The following PHF24 variants were observed in gnomAD, a reference collection of about 807,000 sequenced individuals.
PHF24 encodes PHD finger protein 24, also known as Galpha inhibitory interacting protein.
In PHF24, 25 loss-of-function variants were observed where a neutral mutation model predicts 42.6. The ratio of observed to expected loss-of-function variants is 0.59; its 90% CI spans 0.43 to 0.82. The LOEUF is 0.82. Among genes scored for constraint, PHF24 ranks in the 40% least tolerant of loss-of-function variants. The pLI is 0.00. For synonymous variants in PHF24, 185 were observed against 204.8 expected (o/e 0.90, Z 0.83); for missense variants, 470 against 538.1 (o/e 0.87, Z 1.25).
At chr9:34,740,531 T>G in the PHF24 span, among the ~76,000 whole-genome samples, 3 of 152,148 alleles carry the variant, frequency 2.0e-5, no homozygotes, top group African/African-American at 7.2e-5. Context: ...CTGCTCCGAG[T>G]GCAGGGCCCG....
chr9:34,677,389 G>GTTTTTTTTTT, the PHF24 span, among the ~76,000 whole-genome samples: 21 of 79,776 alleles, frequency 2.6e-4, no homozygotes, highest in African/African-American at 8.0e-4. Context: ...TTTGTAAACT[G>GTTTTTTTTTT]TTTTTTTTTT....
chr9:34,755,198 T>TA, the PHF24 span, among the ~76,000 whole-genome samples: 210 of 152,240 alleles, frequency 1.4e-3, 1 homozygote, highest in African/African-American at 4.7e-3. Flanking sequence ...AAAAGTAACT[T>TA]AAAAAGCATA....
chr9:34,855,910 A>G, the PHF24 span, among the ~76,000 whole-genome samples: 1 of 152,150 alleles, frequency 6.6e-6, no homozygotes, highest in Non-Finnish European at 1.5e-5. Flanking sequence ...AGGTACCCTA[A>G]TCAGTCATAG....
chr9:34,889,813 T>C, the PHF24 span, among the ~76,000 whole-genome samples: 2 of 152,210 alleles, frequency 1.3e-5, no homozygotes, highest in African/African-American at 4.8e-5. Flanking sequence ...CTTCAAATAC[T>C]GTACTTGCAA....
At chr9:34,696,505 A>T in the PHF24 span, among the ~76,000 whole-genome samples, 12 of 151,370 alleles carry the variant, frequency 7.9e-5, no homozygotes, top group Non-Finnish European at 1.6e-4. Context: ...AAAAAAAAAA[A>T]AAGTTTAGAC....
At chr9:34,725,760 G>C in the PHF24 span, 1 of 1,549,854 alleles carries the variant, frequency 6.5e-7, no homozygotes, top group Non-Finnish European at 8.7e-7. Context: ...TTTGGGGAAA[G>C]TGGGGAAGAG....
chr9:34,769,261 A>C, the PHF24 span, among the ~76,000 whole-genome samples: 1 of 152,054 alleles, frequency 6.6e-6, no homozygotes, highest in East Asian at 1.9e-4. Context: ...GATTACAGGC[A>C]CCCAACACCA....
the PHF24 span, among the ~76,000 whole-genome samples, chr9:34,867,486 A>G: frequency 6.6e-6 from 1 of 152,214 alleles, no homozygotes; most frequent in Admixed American, 6.5e-5. Flanking sequence ...GGCTACTGCC[A>G]AGTGACAGAA....
At chr9:34,875,734 C>T in the PHF24 span, among the ~76,000 whole-genome samples, 113,391 of 151,810 alleles carry the variant, frequency 0.75, 42,627 homozygotes, top group East Asian at 0.87. Context: ...GTTTTACATT[C>T]TTCCACCAGG....
the PHF24 span, among the ~76,000 whole-genome samples, chr9:34,727,484 C>T: frequency 8.0e-3 from 1,224 of 152,276 alleles, 9 homozygotes; most frequent in Non-Finnish European, 0.01. Context: ...AGCATCTCTT[C>T]GGAACCAGTC....
chr9:34,905,100 T>A, the PHF24 span, among the ~76,000 whole-genome samples: 1 of 152,166 alleles, frequency 6.6e-6, no homozygotes, highest in African/African-American at 2.4e-5. Context: ...TTAGTTTAGT[T>A]ACAGTGGATC....
the PHF24 span, among the ~76,000 whole-genome samples, chr9:34,887,596 A>C: frequency 6.6e-6 from 1 of 151,982 alleles, no homozygotes; most frequent in African/African-American, 2.4e-5. Flanking sequence ...TCGTTTACCC[A>C]CGTGGTTTAC....
At chr9:34,956,734 G>C (rs974958818), upstream of PHF24, among the ~76,000 whole-genome samples, 13 of 152,226 alleles carry the variant, frequency 8.5e-5, no homozygotes, top group African/African-American at 2.9e-4. Context: ...GAAAGTTAGG[G>C]GGGGACCCCC....
the PHF24 span, chr9:34,691,164 C>T: frequency 4.3e-5 from 69 of 1,611,612 alleles, no homozygotes; most frequent in African/African-American, 1.6e-4. Flanking sequence ...GGCAGGCCAA[C>T]GGTGAATGTG....
chr9:34,747,365 A>G, the PHF24 span, among the ~76,000 whole-genome samples: 19 of 152,130 alleles, frequency 1.2e-4, no homozygotes, highest in African/African-American at 4.6e-4. Flanking sequence ...GCATTGAACT[A>G]TGATTACACC....
the PHF24 span, among the ~76,000 whole-genome samples, chr9:34,845,569 T>A: frequency 1.3e-5 from 2 of 152,160 alleles, no homozygotes; most frequent in Non-Finnish European, 2.9e-5. Context: ...CTTTAGCTGA[T>A]AACAAGTTAA....
At chr9:34,749,783 C>G in the PHF24 span, among the ~76,000 whole-genome samples, 1 of 150,954 alleles carries the variant, frequency 6.6e-6, no homozygotes, top group African/African-American at 2.4e-5. Flanking sequence ...TGCCCCCCAT[C>G]CCCCGCTGTC....
chr9:34,910,350 G>A, the PHF24 span, among the ~76,000 whole-genome samples: 1 of 151,922 alleles, frequency 6.6e-6, no homozygotes, highest in South Asian at 2.1e-4. Flanking sequence ...AGAAATAAAA[G>A]TCACTCTGTT....
the PHF24 span, among the ~76,000 whole-genome samples, chr9:34,806,001 T>C: frequency 1.3e-5 from 2 of 152,240 alleles, no homozygotes; most frequent in African/African-American, 4.8e-5. Context: ...CTGATCTTGG[T>C]AGCCTTGTTG....
Sources: gnomAD v4.1 joint callset for allele counts (sites outside exome capture counted in the v4.1 genomes callset) on GRCh38, gnomAD v4.1.1 for gene constraint, MANE v1.5 for transcripts, NCBI Gene and HGNC (gene_info 2026-07-23, HGNC 2026-07-21) for gene names.